The following CCAR1 variants were observed in gnomAD, a reference collection of about 807,000 sequenced individuals.
CCAR1 encodes cell division cycle and apoptosis regulator 1, also known as cell division cycle and apoptosis regulator protein 1.
In CCAR1, 78 loss-of-function variants were observed where a neutral mutation model predicts 163.8. The ratio of observed to expected loss-of-function variants is 0.48; its 90% CI spans 0.40 to 0.57. CCAR1 has a LOEUF of 0.57. Ranked by LOEUF, CCAR1 falls within the 20% of genes least tolerant of loss-of-function variation. The pLI is 0.00. For missense variants in CCAR1, 1,019 were observed against 1,365.2 expected (o/e 0.75, Z 4.00); for synonymous variants, 443 against 460.7 (o/e 0.96, Z 0.49).
chr10:68,761,063 A>G lies in CCAR1; in HGVS notation c.1977A>G (p.Lys659=). ...GAGCTCTTAGTTCCAAAGGATTAAA[A>G]TCCCAGTTAATAGCCCGATTGACAA... The part of the protein sequence containing the change: ...ESRALSSKGL[K]SQLIARLTKQ... The change falls in exon 16 of 25, where the codon AAA becomes AAG. Residue 659 remains lysine (K), a synonymous_variant. Transcript: ENST00000265872. 1 of 1,607,644 alleles carries G rather than the reference A, an allele frequency of 6.2e-7. No individual in the cohort carries two copies. The highest frequency in any genetic ancestry group is 8.5e-7 in the Non-Finnish European group (1 of 1,176,826).
intron 19 of CCAR1, among the ~76,000 whole-genome samples, chr10:68,777,932 A>T (rs2056688270): frequency 6.6e-6 from 1 of 152,086 alleles, no homozygotes; most frequent in Non-Finnish European, 1.5e-5. Flanking sequence ...ACCCTGTCTG[A>T]AAAGAAGGCC....
At chr10:68,731,912 C>T (rs1287691364) in intron 2 of CCAR1, among the ~76,000 whole-genome samples, 2 of 152,132 alleles carry the variant, frequency 1.3e-5, no homozygotes, top group African/African-American at 4.8e-5. Flanking sequence ...GTTTCTAACT[C>T]ATCACATGGA....
chr10:68,779,461 GT>G (rs1159690689), intron 19 of CCAR1, among the ~76,000 whole-genome samples: 1 of 150,912 alleles, frequency 6.6e-6, no homozygotes, highest in Non-Finnish European at 1.5e-5. Context: ...GTTTCACCAT[GT>G]TGGCCAGGCT....
chr10:68,791,234 CA>C lies in CCAR1; in HGVS notation c.3426del (p.Lys1142AsnfsTer22), dbSNP rs1564556947. The C allele has an allele frequency of 6.3e-7, 1 of 1,598,186 alleles. No homozygotes were observed. The highest frequency in any genetic ancestry group is 8.6e-7 in the Non-Finnish European group (1 of 1,168,314). On this transcript the variant is annotated frameshift_variant, in exon 25 of 25. Coordinates refer to ENST00000265872, the MANE Select transcript of CCAR1 (RefSeq NM_018237.4). LOFTEE classifies it high-confidence loss of function. ...KDNVKNEDKD[Q>X]KSKENGASV Reference sequence around the variant, plus strand: ...TAATGTAAAGAATGAAGACAAAGATCAAAAATCCAAGGAGAATGGTGCCAGT... The same window carrying C: ...TAATGTAAAGAATGAAGACAAAGATCAAAATCCAAGGAGAATGGTGCCAGT...
rs530271339 is a variant in CCAR1, at chr10:68,790,354, TAAAAA to T, written c.3393+451_3393+455del. On this transcript the variant is annotated intron_variant, in intron 24 of 24. Transcript: ENST00000265872. ...TGGGCAACAGAACTAGACCCCATCT[TAAAAA>T]AAAAAAAAAAAGTGATTCCCAAAAG... Among the ~76,000 whole-genome samples the T allele has an allele frequency of 3.5e-3, 476 of 136,166 alleles. 5 individuals are homozygous for T. The highest frequency in any genetic ancestry group is 0.012 in the African/African-American group (449 of 37,100). 89.3% of individuals were successfully genotyped at this position (136,166 alleles called of 152,430 possible). A position where few individuals can be genotyped will look rare whatever the true frequency, so the allele number is the denominator to read the frequency against.
chr10:68,745,486 C>G (rs1206398052), intron 6 of CCAR1, among the ~76,000 whole-genome samples: 1 of 148,390 alleles, frequency 6.7e-6, no homozygotes, highest in Non-Finnish European at 1.5e-5. Flanking sequence ...TTTTGGAGAC[C>G]GAGTTTCGCT....
intron 6 of CCAR1, among the ~76,000 whole-genome samples, chr10:68,745,474 T>G (rs2056240862): frequency 6.6e-6 from 1 of 151,548 alleles, no homozygotes; most frequent in African/African-American, 2.4e-5. Flanking sequence ...GCTTTTTTTT[T>G]TTTTTGGAGA....
intron 19 of CCAR1, among the ~76,000 whole-genome samples, chr10:68,773,842 A>T (rs1009512703): frequency 2.0e-5 from 3 of 151,984 alleles, no homozygotes; most frequent in Non-Finnish European, 4.4e-5. Context: ...TCCCTGGAGT[A>T]ACTGGGACTA....
chr10:68,734,698 C>T (rs368584051), intron 2 of CCAR1, among the ~76,000 whole-genome samples: 4 of 152,016 alleles, frequency 2.6e-5, no homozygotes, highest in South Asian at 2.1e-4. Context: ...TTAATTCCTG[C>T]GTTTAATTCA....
At chr10:68,746,422 G>A (rs1006705639) in intron 6 of CCAR1, among the ~76,000 whole-genome samples, 3 of 152,046 alleles carry the variant, frequency 2.0e-5, no homozygotes, top group African/African-American at 7.2e-5. Flanking sequence ...TAGAGATGGG[G>A]TTTCACCGCA....
At chr10:68,774,916 AAATT>A in intron 19 of CCAR1, 1 of 381,990 alleles carries the variant, frequency 2.6e-6, no homozygotes, top group African/African-American at 2.2e-5. Context: ...CTGATATAGA[AAATT>A]ATAAGAGTTC....
chr10:68,777,571 C>G (rs1305017426), intron 19 of CCAR1, among the ~76,000 whole-genome samples: 1 of 152,068 alleles, frequency 6.6e-6, no homozygotes, highest in East Asian at 1.9e-4. Context: ...GTAATCCCAG[C>G]TGCTCAAGAG....
intron 8 of CCAR1, among the ~76,000 whole-genome samples, chr10:68,748,582 C>T (rs1043415212): frequency 6.6e-5 from 10 of 151,292 alleles, no homozygotes; most frequent in African/African-American, 2.2e-4. Flanking sequence ...TCCGCCTCCC[C>T]GGCTCAAGTG....
intron 17 of CCAR1, 79 bp downstream of exon 17, chr10:68,766,158 C>T: frequency 1.1e-6 from 1 of 889,268 alleles, no homozygotes; most frequent in Non-Finnish European, 1.7e-6. Context: ...TCTCTGAAAT[C>T]TTTTTTCTTT....
chr10:68,749,749 TCA>T, intron 10 of CCAR1, 64 bp downstream of exon 10: 2 of 1,368,882 alleles, frequency 1.5e-6, no homozygotes, highest in Non-Finnish European at 2.0e-6. Context: ...ATAGAATATG[TCA>T]CAGAGGTATT....
chr10:68,747,702 T>G (rs888247199), intron 8 of CCAR1, 136 bp downstream of exon 8: 2 of 653,390 alleles, frequency 3.1e-6, no homozygotes, highest in Non-Finnish European at 5.1e-6. Context: ...CACATCTACT[T>G]CCATAGCTAT....
At chr10:68,758,040 C>T (rs893949864) in intron 15 of CCAR1, among the ~76,000 whole-genome samples, 1 of 151,974 alleles carries the variant, frequency 6.6e-6, no homozygotes, top group Admixed American at 6.6e-5. Flanking sequence ...CGTGCCTGGC[C>T]GTAATTTGGT....
chr10:68,738,846 A>G (rs2056147190), intron 4 of CCAR1, among the ~76,000 whole-genome samples: 1 of 152,192 alleles, frequency 6.6e-6, no homozygotes, highest in Non-Finnish European at 1.5e-5. Flanking sequence ...CAGGAGTTTG[A>G]TACCAACTTG....
At chr10:68,771,099 G>A (rs903275754) in intron 17 of CCAR1, 107 bp from the exon 18 acceptor site, 8 of 961,948 alleles carry the variant, frequency 8.3e-6, no homozygotes, top group Non-Finnish European at 1.2e-5. Context: ...AGTTTGATAA[G>A]TTTACATAAT....
Sources: gnomAD v4.1 joint callset for allele counts (sites outside exome capture counted in the v4.1 genomes callset) on GRCh38, gnomAD v4.1.1 for gene constraint, MANE v1.5 for transcripts, NCBI Gene and HGNC (gene_info 2026-07-23, HGNC 2026-07-21) for gene names.